Variants in ANKRD31 observed in about 807,000 individuals in gnomAD.
ANKRD31 encodes the protein ankyrin repeat domain 31.
In ANKRD31, 147 loss-of-function variants were observed where a neutral mutation model predicts 186.0. That is an observed-to-expected ratio of 0.79 (90% CI 0.69 to 0.91). ANKRD31 has a LOEUF of 0.91. Ranked by LOEUF, ANKRD31 falls within the 40% of genes least tolerant of loss-of-function variation. The probability of loss-of-function intolerance (pLI) is 0.00; values close to 1 mark genes in which losing one functional copy is unlikely to be tolerated. For synonymous variants in ANKRD31, 673 were observed against 736.4 expected, an observed-to-expected ratio of 0.91 and a Z score of 1.39; for missense variants, 1,986 against 2,148.8, an observed-to-expected ratio of 0.92 and a Z score of 1.50.
chr5:75,104,399 T>C lies in ANKRD31; in HGVS notation c.5160A>G (p.Pro1720=). The C allele has an allele frequency of 1.3e-6, 2 of 1,537,222 alleles. No homozygotes were observed. Residue 1720 remains proline, a synonymous_variant, in exon 22 of 26, where the codon CCA becomes CCG. Transcript: ENST00000506364. ...AGGAGATCTGACTGTCATCTGCACA[T>C]GGAACAACAGAAACTGATTTTTTAA... is the stretch of plus-strand genomic sequence containing the variant. ...PYLKKSVSVV[P]CADDSQISSS... is the part of the protein sequence containing the mutation.
intron 12 of ANKRD31, among the ~76,000 whole-genome samples, chr5:75,153,971 T>C (rs1377993051): frequency 2.6e-5 from 4 of 152,142 alleles, no homozygotes; most frequent in African/African-American, 9.7e-5. Context: ...TCTTAACTCT[T>C]TGCAATGTAC....
At chr5:75,189,471 G>C (rs1754959898) in intron 9 of ANKRD31, among the ~76,000 whole-genome samples, 1 of 152,080 alleles carries the variant, frequency 6.6e-6, no homozygotes, top group South Asian at 2.1e-4. Flanking sequence ...TTTCTTAATG[G>C]ACGACATATC....
intron 20 of ANKRD31, among the ~76,000 whole-genome samples, chr5:75,112,219 T>C (rs1747846222): frequency 6.6e-6 from 1 of 152,080 alleles, no homozygotes; most frequent in African/African-American, 2.4e-5. Flanking sequence ...GCCTCCCGAG[T>C]AGCTGGCACT....
At position 75,118,384 on chromosome 5, in the gene ANKRD31, A is replaced by C. The variant is rs1280447932; in HGVS notation, c.3877-87T>G. On this transcript the variant is annotated intron_variant, in intron 17 of 25. Coordinates refer to ENST00000506364, the MANE Select transcript of ANKRD31 (RefSeq NM_001372053.1). ...ATCACAAACACCACTGCCAAGCATT[A>C]AAAGCTATCAAAAGAATGTTTTCAA... is the stretch of plus-strand genomic sequence containing the variant. 2.6e-6 allele frequency: 3 copies of C among 1,171,070 alleles called. No homozygotes were observed. The African/African-American group carries it at 4.8e-5, about 19-fold the overall frequency. 72.5% of individuals were successfully genotyped at this position (1,171,070 alleles called of 1,614,324 possible).
At chr5:75,169,774 C>T (rs1435166941) in intron 10 of ANKRD31, among the ~76,000 whole-genome samples, 1 of 152,256 alleles carries the variant, frequency 6.6e-6, no homozygotes, top group South Asian at 2.1e-4. Context: ...CTTCTCAGAA[C>T]ACTCATCATA....
chr5:75,107,043 A>G (rs905912185), intron 21 of ANKRD31, among the ~76,000 whole-genome samples: 3 of 151,924 alleles, frequency 2.0e-5, no homozygotes, highest in Admixed American at 6.6e-5. Flanking sequence ...TTTTTTCACA[A>G]AAAAATATGA....
At chr5:75,193,633 C>A in intron 7 of ANKRD31, 42 bp from the exon 8 acceptor site, 1 of 1,479,646 alleles carries the variant, frequency 6.8e-7, no homozygotes, top group South Asian at 1.3e-5. Context: ...TACAACACTG[C>A]AAAAAAATTA....
chr5:75,107,410 T>G, intron 21 of ANKRD31, 111 bp downstream of exon 21: 1 of 682,986 alleles, frequency 1.5e-6, no homozygotes, highest in Non-Finnish European at 2.4e-6. Context: ...AGTCATTATT[T>G]GGCCCCAAGC....
intron 3 of ANKRD31, among the ~76,000 whole-genome samples, chr5:75,212,802 A>G (rs374777509): frequency 1.3e-5 from 2 of 152,246 alleles, no homozygotes; most frequent in Admixed American, 6.5e-5. Flanking sequence ...AGCATCTAAG[A>G]GCTTTAGAAA....
At chr5:75,134,964 A>G (rs997841572) in intron 17 of ANKRD31, among the ~76,000 whole-genome samples, 1 of 152,184 alleles carries the variant, frequency 6.6e-6, no homozygotes, top group Non-Finnish European at 1.5e-5. Flanking sequence ...ACAAAAGTCA[A>G]CAGCCTTCAT....
At chr5:75,137,399 G>C (rs2150128247) in intron 17 of ANKRD31, among the ~76,000 whole-genome samples, 1 of 152,068 alleles carries the variant, frequency 6.6e-6, no homozygotes, top group East Asian at 1.9e-4. Flanking sequence ...TTTACAACGG[G>C]TGCTTGATAA....
At chr5:75,131,068 C>T (rs561596824) in intron 17 of ANKRD31, among the ~76,000 whole-genome samples, 2 of 148,640 alleles carry the variant, frequency 1.3e-5, no homozygotes, top group East Asian at 2.0e-4. Context: ...GCTGGCTGTG[C>T]CAAGTGCAGG....
intron 17 of ANKRD31, among the ~76,000 whole-genome samples, chr5:75,121,803 C>G (rs1748812318): frequency 6.6e-6 from 1 of 151,920 alleles, no homozygotes; most frequent in African/African-American, 2.4e-5. Context: ...GGGATACAGC[C>G]AAAGCAGCGC....
chr5:75,097,440 T>C (rs1004194141), intron 22 of ANKRD31, among the ~76,000 whole-genome samples: 14 of 152,254 alleles, frequency 9.2e-5, no homozygotes, highest in Non-Finnish European at 1.2e-4. Context: ...ATGTGTTTTT[T>C]TGGCTGCATA....
At chr5:75,148,905 T>C (rs982873714) in intron 12 of ANKRD31, among the ~76,000 whole-genome samples, 1 of 151,892 alleles carries the variant, frequency 6.6e-6, no homozygotes, top group African/African-American at 2.4e-5. Context: ...GTATTTATTT[T>C]CCCCACAGAT....
intron 19 of ANKRD31, among the ~76,000 whole-genome samples, chr5:75,114,299 G>A (rs574698649): frequency 3.3e-5 from 5 of 152,246 alleles, no homozygotes; most frequent in Admixed American, 3.3e-4. Flanking sequence ...ATGGAAGTGA[G>A]TGAAGACACA....
chr5:75,130,178 G>A (rs1749653406), intron 17 of ANKRD31, among the ~76,000 whole-genome samples: 2 of 152,186 alleles, frequency 1.3e-5, no homozygotes, highest in Non-Finnish European at 2.9e-5. Flanking sequence ...AGCTCTTAAA[G>A]GTGGCACGTC....
In ANKRD31 at chr5:75,147,070, A is replaced by G. The variant is rs901982743; in HGVS notation, c.2341T>C (p.Cys781Arg). The G allele has an allele frequency of 7.8e-6, 12 of 1,536,284 alleles. No individual in the cohort carries two copies. The highest frequency in any genetic ancestry group is 1.0e-5 in the Non-Finnish European group (12 of 1,146,362). The change falls in exon 14 of 26, where the codon TGT becomes CGT. Residue 781 changes from cysteine (C) to arginine (R), a missense_variant. Physicochemically the swap from Cys to Arg is radical, Grantham distance 180 (BLOSUM62 -3). Transcript: ENST00000506364. ...GACAGAGTTAAGCTGGAAGGTTCAC[A>G]CAATTCTTCTGGAAGGTCATTATGA... ...ETHNDLPEELCEPSSLTLSSL... is the reference protein window; with the variant it reads ...ETHNDLPEELREPSSLTLSSL...
Position 75,147,511 on chromosome 5 carries a change from G to A in ANKRD31, c.1906-6C>T. On this transcript the variant is annotated splice_region_variant and splice_polypyrimidine_tract_variant and intron_variant, in intron 13 of 25. Coordinates refer to ENST00000506364, the MANE Select transcript of ANKRD31 (RefSeq NM_001372053.1). ...TTAGAACTGAACTTTGGTTTCTATAGAAAAAAAATACATAGTTAGCTTTAA... is the reference window on the plus strand; with the variant it reads ...TTAGAACTGAACTTTGGTTTCTATAAAAAAAAAATACATAGTTAGCTTTAA... The A allele has an allele frequency of 2.8e-6, 4 of 1,412,904 alleles. No individual in the cohort carries two copies. The highest frequency in any genetic ancestry group is 1.5e-5 in the African/African-American group (1 of 68,872). 87.5% of individuals were successfully genotyped at this position (1,412,904 alleles called of 1,614,324 possible). A position where few individuals can be genotyped will look rare whatever the true frequency, so the allele number is the denominator to read the frequency against.
Sources: gnomAD v4.1 joint callset for allele counts (sites outside exome capture counted in the v4.1 genomes callset) on GRCh38, gnomAD v4.1.1 for gene constraint, MANE v1.5 for transcripts, NCBI Gene and HGNC (gene_info 2026-07-23, HGNC 2026-07-21) for gene names.